RBFOX1: variants seen among roughly 807,000 people sequenced by gnomAD.
The protein encoded by RBFOX1 is RNA binding protein fox-1 homolog 1.
RBFOX1 carries 8 observed loss-of-function variants against 57.7 expected under a neutral mutation model. The ratio of observed to expected loss-of-function variants is 0.14; its 90% confidence interval spans 0.08 to 0.25. The LOEUF is 0.25. Among genes scored for constraint, RBFOX1 ranks in the 10% least tolerant of loss-of-function variants. RBFOX1 has a pLI of 1.00. For missense variants in RBFOX1, 611 were observed against 548.5 expected, an observed-to-expected ratio of 1.11 and a Z score of -1.14; for synonymous variants, 326 against 222.4, an observed-to-expected ratio of 1.47 and a Z score of -4.15.
chr16:6,092,802 G>A (rs2096195199), intron 1 of RBFOX1: 1 of 152,190 alleles, frequency 6.6e-6, no homozygotes, highest in Non-Finnish European at 1.5e-5. Context: ...TAGCCTTGTA[G>A]TATAGTTTGA....
chr16:7,231,327 C>T (rs12446629), intron 4 of RBFOX1, among the ~76,000 whole-genome samples: 7 of 151,944 alleles, frequency 4.6e-5, no homozygotes, highest in African/African-American at 7.2e-5. Flanking sequence ...AATCAGGAAT[C>T]GACTACTATC....
At chr16:6,016,076 G>C (rs973767981), upstream of RBFOX1, among the ~76,000 whole-genome samples, 1 of 152,202 alleles carries the variant, frequency 6.6e-6, no homozygotes, top group Non-Finnish European at 1.5e-5. Context: ...AAGAAGGAAG[G>C]TTCACCTATC....
At chr16:5,736,141 G>A (rs1170209416) in intron 3 of RBFOX1, among the ~76,000 whole-genome samples, 3 of 151,954 alleles carry the variant, frequency 2.0e-5, no homozygotes, top group Admixed American at 1.3e-4. Context: ...TTTGTTACAC[G>A]TGGACCCGTG....
At chr16:6,598,708 G>A (rs534701260) in intron 2 of RBFOX1, among the ~76,000 whole-genome samples, 7 of 152,352 alleles carry the variant, frequency 4.6e-5, no homozygotes, top group African/African-American at 1.4e-4. Flanking sequence ...AGCACTTTGG[G>A]TGGCTGAGGC....
At chr16:6,237,331 C>T (rs2097512649) in intron 1 of RBFOX1, among the ~76,000 whole-genome samples, 2 of 152,166 alleles carry the variant, frequency 1.3e-5, no homozygotes, top group Non-Finnish European at 2.9e-5. Flanking sequence ...GTTTGAGAGG[C>T]AGTGCTTGGG....
chr16:5,290,871 G>T (rs2063517236), intron 1 of RBFOX1, among the ~76,000 whole-genome samples: 1 of 151,570 alleles, frequency 6.6e-6, no homozygotes. Context: ...GCTAATTTTT[G>T]GATATTTAGT....
intron 3 of RBFOX1, among the ~76,000 whole-genome samples, chr16:5,758,510 G>A (rs1353878587): frequency 6.6e-6 from 1 of 152,112 alleles, no homozygotes; most frequent in Admixed American, 6.5e-5. Flanking sequence ...ATTGCTTGGT[G>A]GTGTCCAAAG....
intron 3 of RBFOX1, among the ~76,000 whole-genome samples, chr16:6,964,087 C>T (rs570179830): frequency 5.9e-5 from 9 of 152,134 alleles, no homozygotes; most frequent in South Asian, 4.2e-4. Context: ...GGTGCATTCT[C>T]GGCTCACTGC....
intron 4 of RBFOX1, among the ~76,000 whole-genome samples, chr16:7,079,954 C>T (rs1000799216): frequency 2.0e-5 from 3 of 150,086 alleles, no homozygotes; most frequent in South Asian, 4.2e-4. Context: ...GTACTTAATG[C>T]AGCTGAACTA....
chr16:6,180,796 C>T (rs2097057203), intron 1 of RBFOX1, among the ~76,000 whole-genome samples: 1 of 152,132 alleles, frequency 6.6e-6, no homozygotes, highest in South Asian at 2.1e-4. Context: ...GAACTCCTGA[C>T]CTCAAGTAAT....
In RBFOX1 at chr16:7,051,657, C is replaced by T. The variant is rs534461966; in HGVS notation, c.-15-400C>T. 2.6e-5 allele frequency among the ~76,000 whole-genome samples: 4 copies of T among 152,286 alleles called. No individual in the cohort carries two copies. The East Asian group carries it at 7.7e-4, about 29-fold the overall frequency. The stretch of plus-strand genomic sequence containing the variant: ...CATTGGAGAAGACTTTGTGTGTTTT[C>T]CACTGACTTATCATGACCATCTGGA... On this transcript the variant is annotated intron_variant, in intron 3 of 15. Coordinates refer to ENST00000550418, the MANE Select transcript of RBFOX1 (RefSeq NM_018723.4).
At chr16:5,903,003 G>T (rs767580361) in intron 4 of RBFOX1, among the ~76,000 whole-genome samples, 3 of 152,094 alleles carry the variant, frequency 2.0e-5, no homozygotes, top group Admixed American at 6.6e-5. Flanking sequence ...CTCAACAAAC[G>T]TGTGCACCCC....
intron 4 of RBFOX1, among the ~76,000 whole-genome samples, chr16:5,873,479 AC>A (rs1324178760): frequency 1.3e-5 from 2 of 152,030 alleles, no homozygotes; most frequent in Non-Finnish European, 2.9e-5. Flanking sequence ...TATTTAAAGA[AC>A]TCTAAACAAT....
intron 2 of RBFOX1, among the ~76,000 whole-genome samples, chr16:6,357,803 T>G (rs985192140): frequency 6.6e-6 from 1 of 151,818 alleles, no homozygotes; most frequent in African/African-American, 2.4e-5. Flanking sequence ...TTACAAAAAT[T>G]AGCCGGGCGT....
intron 1 of RBFOX1, among the ~76,000 whole-genome samples, chr16:6,209,491 C>T (rs900170134): frequency 1.3e-5 from 2 of 152,222 alleles, no homozygotes; most frequent in African/African-American, 2.4e-5. Flanking sequence ...CACGTAACCT[C>T]TCCGGTATCA....
intron 3 of RBFOX1, among the ~76,000 whole-genome samples, chr16:6,902,140 G>A (rs879507103): frequency 6.6e-6 from 1 of 152,122 alleles, no homozygotes; most frequent in Admixed American, 6.5e-5. Flanking sequence ...CTGGAACTTG[G>A]TAGGTGGTGC....
At position 5,640,507 on chromosome 16, in the gene RBFOX1, TACATGCACATACAC is replaced by T. The variant is rs548698443; in HGVS notation, c.318+41574_318+41587del. On this transcript the variant is annotated intron_variant, in intron 3 of 19. Coordinates refer to the RBFOX1 transcript ENST00000641259. Reference sequence around the variant, plus strand: ...CACACATATATGCACACCATGCATATACATGCACATACACACATGCACATACACACATGCACATA... The same window carrying T: ...CACACATATATGCACACCATGCATATACATGCACATACACACATGCACATA... Among the ~76,000 whole-genome samples, 1,088 of 149,170 alleles carry T rather than the reference TACATGCACATACAC, an allele frequency of 7.3e-3. 18 individuals carry two copies. Among genetic ancestry groups the T allele is most frequent in the African/African-American group, 0.026 (1,037 of 40,372 alleles).
chr16:6,910,408 C>G (rs1223708600), intron 3 of RBFOX1, among the ~76,000 whole-genome samples: 3 of 152,152 alleles, frequency 2.0e-5, no homozygotes, highest in Admixed American at 6.5e-5. Flanking sequence ...TTAACTTTAT[C>G]TCAGGAATTC....
chr16:6,373,847 C>G (rs778447327), intron 2 of RBFOX1, among the ~76,000 whole-genome samples: 2 of 152,112 alleles, frequency 1.3e-5, no homozygotes, highest in Admixed American at 6.6e-5. Context: ...TACTTCTGTA[C>G]TCATTGCATT....
Sources: gnomAD v4.1 joint callset for allele counts (sites outside exome capture counted in the v4.1 genomes callset) on GRCh38, gnomAD v4.1.1 for gene constraint, MANE v1.5 for transcripts, NCBI Gene and HGNC (gene_info 2026-07-23, HGNC 2026-07-21) for gene names.